The following THSD7A variants were observed in gnomAD, a reference collection of about 807,000 sequenced individuals.
The protein encoded by THSD7A is thrombospondin type 1 domain containing 7A.
Under a neutral mutation model 231.3 loss-of-function variants are expected in THSD7A, and 96 were observed. That is an observed-to-expected ratio of 0.41 (90% confidence interval 0.35 to 0.49). The LOEUF is 0.49. Among genes scored for constraint, THSD7A ranks in the 20% least tolerant of loss-of-function variants. THSD7A has a pLI of 0.05. For missense variants in THSD7A, 2,290 were observed against 2,070.2 expected (o/e 1.11, Z -2.06); for synonymous variants, 940 against 743.3 (o/e 1.26, Z -4.30).
At chr7:11,477,311 T>A (rs1364133188) in intron 7 of THSD7A, among the ~76,000 whole-genome samples, 1 of 152,200 alleles carries the variant, frequency 6.6e-6, no homozygotes, top group Non-Finnish European at 1.5e-5. Context: ...TTATCTGATG[T>A]TTCCTCATGA....
intron 2 of THSD7A, among the ~76,000 whole-genome samples, chr7:11,626,994 A>G (rs2128355950): frequency 6.6e-6 from 1 of 152,166 alleles, no homozygotes; most frequent in South Asian, 2.1e-4. Flanking sequence ...CATTGGCTTC[A>G]GTTGAATTCC....
chr7:11,819,972 A>G (rs577379987), intron 1 of THSD7A, among the ~76,000 whole-genome samples: 2 of 152,302 alleles, frequency 1.3e-5, no homozygotes, highest in South Asian at 2.1e-4. Flanking sequence ...ACACTGCACC[A>G]AAAAGTCTAT....
intron 6 of THSD7A, among the ~76,000 whole-genome samples, chr7:11,514,169 A>G (rs960053509): frequency 1.4e-4 from 21 of 151,976 alleles, no homozygotes; most frequent in Non-Finnish European, 2.9e-4. Context: ...TCAAAATAAA[A>G]TAATACACTC....
At position 11,719,384 on chromosome 7, in the gene THSD7A, C is replaced by A. The variant is rs1007919671; in HGVS notation, c.191-82423G>T. Among the ~76,000 whole-genome samples, 5 of 151,786 alleles carry A rather than the reference C, an allele frequency of 3.3e-5. No homozygotes were observed. In the South Asian group the frequency reaches 6.2e-4, roughly 19 times the overall value. ...TAGATTTTCTATATTGTCTGTAGGT[C>A]ATTACTTTTCTACTCACTTTCATAA... On this transcript the variant is annotated intron_variant, in intron 1 of 27. Transcript: ENST00000423059.
At chr7:11,769,143 A>ATTTTTTTTTTTT (rs1306458383) in intron 1 of THSD7A, among the ~76,000 whole-genome samples, 1 of 35,286 alleles carries the variant, frequency 2.8e-5, no homozygotes, top group African/African-American at 8.8e-5. Flanking sequence ...ATATATATAT[A>ATTTTTTTTTTTT]TATATATATA....
intron 1 of THSD7A, among the ~76,000 whole-genome samples, chr7:11,822,754 C>T (rs1784911505): frequency 6.6e-6 from 1 of 151,846 alleles, no homozygotes; most frequent in South Asian, 2.1e-4. Context: ...GTCCATTGCC[C>T]ACTTTTTAGT....
At chr7:11,794,503 C>T (rs1784058626) in intron 1 of THSD7A, among the ~76,000 whole-genome samples, 1 of 151,898 alleles carries the variant, frequency 6.6e-6, no homozygotes, top group African/African-American at 2.4e-5. Flanking sequence ...TCCTTCTCTC[C>T]CCCCTGCCTC....
intron 1 of THSD7A, among the ~76,000 whole-genome samples, chr7:11,745,129 G>T (rs1011913655): frequency 6.6e-6 from 1 of 151,922 alleles, no homozygotes; most frequent in Non-Finnish European, 1.5e-5. Flanking sequence ...TTTAATAATC[G>T]CCACTCTAAC....
At chr7:11,549,449 A>T (rs1789534099) in intron 4 of THSD7A, among the ~76,000 whole-genome samples, 1 of 152,278 alleles carries the variant, frequency 6.6e-6, no homozygotes, top group African/African-American at 2.4e-5. Context: ...GATGAATATA[A>T]ATCATCCTAT....
rs144191164 is a variant in THSD7A at position 11,645,633 on chromosome 7, C to T, written c.191-8672G>A. 7.4e-3 allele frequency among the ~76,000 whole-genome samples: 1,131 copies of T among 151,870 alleles called. 11 individuals are homozygous for T. The highest frequency in any genetic ancestry group is 0.026 in the African/African-American group (1,066 of 41,510). ...TTATGATTTAAAGGTACCTTTCAAA[C>T]AGCCTCAAAACATGTCAATAAGAGG... On this transcript the variant is annotated intron_variant, in intron 1 of 27. Transcript: ENST00000423059.
chr7:11,681,296 C>A (rs190711112), intron 1 of THSD7A, among the ~76,000 whole-genome samples: 4 of 152,030 alleles, frequency 2.6e-5, no homozygotes, highest in African/African-American at 9.6e-5. Flanking sequence ...ACATTCTAGG[C>A]AATACCATTC....
At chr7:11,759,347 G>C (rs565808104) in intron 1 of THSD7A, among the ~76,000 whole-genome samples, 1 of 152,192 alleles carries the variant, frequency 6.6e-6, no homozygotes, top group African/African-American at 2.4e-5. Flanking sequence ...AGGTATGGTT[G>C]TTTAGAAATT....
chr7:11,803,728 C>T lies in THSD7A; in HGVS notation c.190+28029G>A, dbSNP rs1053914985. 3.6e-4 allele frequency among the ~76,000 whole-genome samples: 55 copies of T among 152,062 alleles called. 1 individual carries two copies. Among genetic ancestry groups the T allele is most frequent in the Admixed American group, 2.9e-3 (44 of 15,260 alleles). On this transcript the variant is annotated intron_variant, in intron 1 of 27. Coordinates refer to ENST00000423059, the MANE Select transcript of THSD7A (RefSeq NM_015204.3). Reference sequence around the variant, plus strand: ...ATTCTATGTATTGTTTCTCAACTGCCGCTATATTGTAGAATCACCTGATGA... The same window carrying T: ...ATTCTATGTATTGTTTCTCAACTGCTGCTATATTGTAGAATCACCTGATGA...
At chr7:11,730,374 G>A (rs2128156931) in intron 1 of THSD7A, among the ~76,000 whole-genome samples, 1 of 151,396 alleles carries the variant, frequency 6.6e-6, no homozygotes, top group Admixed American at 6.6e-5. Flanking sequence ...AATACTGAAT[G>A]CACTCTGAAC....
chr7:11,719,482 C>G (rs1781270640), intron 1 of THSD7A, among the ~76,000 whole-genome samples: 1 of 151,602 alleles, frequency 6.6e-6, no homozygotes, highest in African/African-American at 2.4e-5. Context: ...TACTCACTCT[C>G]ATTAATTGAC....
In THSD7A at chr7:11,523,456, C is replaced by A. The variant is rs138130074; in HGVS notation, c.1822+17963G>T. On this transcript the variant is annotated intron_variant, in intron 6 of 27. Coordinates refer to ENST00000423059, the MANE Select transcript of THSD7A (RefSeq NM_015204.3). ...GACAAATAATGGAGGTGGGGGTACA[C>A]CGAACTCTGGATGGAGAGATTATGT... Among the ~76,000 whole-genome samples the A allele has an allele frequency of 3.8e-4, 58 of 152,006 alleles. No individual in the cohort carries two copies. In the East Asian group the frequency reaches 7.5e-3, roughly 20 times the overall value.
chr7:11,417,555 G>A lies in THSD7A; in HGVS notation c.3432C>T (p.Tyr1144=), dbSNP rs767225408. The A allele has an allele frequency of 1.2e-6, 2 of 1,613,758 alleles. No individual in the cohort carries two copies. Among genetic ancestry groups the A allele is most frequent in the Non-Finnish European group, 1.7e-6 (2 of 1,179,774 alleles). The change falls in exon 17 of 28, where the codon TAC becomes TAT. Residue 1144 remains tyrosine, a synonymous_variant. Coordinates refer to ENST00000423059, the MANE Select transcript of THSD7A (RefSeq NM_015204.3). ...ADGPSEHVED[Y]LCDPEEMPLG... is the part of the protein sequence containing the mutation. ...GGGGCATCTCTTCTGGGTCACAGAG[G>A]TAATCCTCTACATGTTCAGAAGGGC...
intron 1 of THSD7A, among the ~76,000 whole-genome samples, chr7:11,801,304 C>T (rs574160873): frequency 3.4e-4 from 51 of 152,194 alleles, no homozygotes; most frequent in African/African-American, 1.2e-3. Flanking sequence ...TTCTTCCTGT[C>T]TTTCTCTCTC....
chr7:11,441,093 G>A (rs1481347745), intron 13 of THSD7A, among the ~76,000 whole-genome samples: 1 of 151,948 alleles, frequency 6.6e-6, no homozygotes, highest in Non-Finnish European at 1.5e-5. Context: ...ATTCTCTCCA[G>A]CTTTTTATTC....
Sources: allele counts gnomAD v4.1 joint callset (sites outside exome capture counted in the v4.1 genomes callset), GRCh38; gene constraint gnomAD v4.1.1; transcripts MANE v1.5; gene names NCBI Gene and HGNC (gene_info 2026-07-23, HGNC 2026-07-21).